Variants in COL24A1 observed in about 807,000 individuals in gnomAD.
The protein encoded by COL24A1 is collagen alpha-1(XXIV) chain.
A neutral mutation model predicts 253.9 loss-of-function variants in COL24A1; 224 were observed. The observed-to-expected ratio is 0.88, with a 90% CI of 0.79 to 0.99. The LOEUF (loss-of-function observed/expected upper bound fraction) is 0.99, where lower values mean the gene tolerates loss of function less well. Ranked by LOEUF, COL24A1 falls within the 50% of genes least tolerant of loss-of-function variation. COL24A1 has a pLI of 0.00. For missense variants in COL24A1, 2,131 were observed against 2,068.5 expected (o/e 1.03, Z -0.59); for synonymous variants, 685 against 673.7 (o/e 1.02, Z -0.26).
chr1:85,866,124 A>G (rs1389438932), intron 37 of COL24A1, among the ~76,000 whole-genome samples: 3 of 152,068 alleles, frequency 2.0e-5, no homozygotes, highest in Non-Finnish European at 4.4e-5. Context: ...TTAGGTGGGC[A>G]TGGTGGTGGG....
intron 7 of COL24A1, among the ~76,000 whole-genome samples, chr1:86,083,727 A>G (rs1294736187): frequency 6.6e-6 from 1 of 152,136 alleles, no homozygotes; most frequent in Non-Finnish European, 1.5e-5. Flanking sequence ...AGCAGAGAGG[A>G]GGTGGTGCTT....
At chr1:85,785,868 T>C (rs1234028554) in intron 48 of COL24A1, among the ~76,000 whole-genome samples, 1 of 152,234 alleles carries the variant, frequency 6.6e-6, no homozygotes, top group Non-Finnish European at 1.5e-5. Context: ...CTGGAAAGTC[T>C]ATTGACATGT....
intron 38 of COL24A1, among the ~76,000 whole-genome samples, chr1:85,848,116 T>C (rs950344737): frequency 1.3e-5 from 2 of 152,196 alleles, no homozygotes; most frequent in Non-Finnish European, 2.9e-5. Flanking sequence ...GAAAGTCTGT[T>C]TCTATAGAGA....
intron 28 of COL24A1, among the ~76,000 whole-genome samples, chr1:85,906,779 A>G (rs1055392532): frequency 6.6e-6 from 1 of 151,928 alleles, no homozygotes; most frequent in Non-Finnish European, 1.5e-5. Flanking sequence ...TACAATTAAT[A>G]AGCTCTTATT....
chr1:86,132,691 T>G (rs538449352), intron 2 of COL24A1, among the ~76,000 whole-genome samples: 20 of 152,234 alleles, frequency 1.3e-4, no homozygotes, highest in Non-Finnish European at 2.9e-5. Flanking sequence ...TGTGGCATTA[T>G]GTCTGAGGGC....
chr1:86,096,039 C>T (rs558843190), intron 5 of COL24A1, among the ~76,000 whole-genome samples: 11 of 152,108 alleles, frequency 7.2e-5, no homozygotes, highest in African/African-American at 2.2e-4. Context: ...AGTGAAAACA[C>T]CAAACAATTC....
At chr1:85,783,427 T>C (rs1382391700) in intron 51 of COL24A1, 69 bp downstream of exon 51, 6 of 1,270,900 alleles carry the variant, frequency 4.7e-6, no homozygotes, top group Non-Finnish European at 6.8e-6. Context: ...ACATTACATT[T>C]AGAGCTCTTA....
intron 18 of COL24A1, 33 bp from the exon 19 acceptor site, chr1:86,017,237 ATAAACT>A: frequency 6.7e-7 from 1 of 1,496,172 alleles, no homozygotes; most frequent in Non-Finnish European, 9.0e-7. Flanking sequence ...AAGTATAAAC[ATAAACT>A]TAATAAACAC....
chr1:85,920,275 G>A (rs893398799), intron 24 of COL24A1, among the ~76,000 whole-genome samples: 1 of 152,178 alleles, frequency 6.6e-6, no homozygotes, highest in African/African-American at 2.4e-5. Context: ...AGCATCTCAG[G>A]TATGGTTACA....
intron 24 of COL24A1, among the ~76,000 whole-genome samples, chr1:85,946,922 G>A (rs1689378136): frequency 1.3e-5 from 2 of 152,176 alleles, no homozygotes; most frequent in South Asian, 4.1e-4. Context: ...TGGGAAATTA[G>A]TGACTACAAA....
At chr1:85,935,971 C>T (rs1688216882) in intron 24 of COL24A1, among the ~76,000 whole-genome samples, 1 of 147,498 alleles carries the variant, frequency 6.8e-6, no homozygotes, top group South Asian at 2.4e-4. Context: ...GTATAAAAGT[C>T]TGGCCATTTG....
intron 23 of COL24A1, among the ~76,000 whole-genome samples, chr1:85,963,223 T>G (rs554176777): frequency 6.6e-6 from 1 of 152,280 alleles, no homozygotes; most frequent in South Asian, 2.1e-4. Flanking sequence ...TCTTTTCAGT[T>G]TCTGTATGTA....
chr1:85,802,416 T>C (rs544587327), intron 47 of COL24A1, among the ~76,000 whole-genome samples: 181 of 152,300 alleles, frequency 1.2e-3, no homozygotes, highest in Middle Eastern at 3.4e-3. Flanking sequence ...TATGCTGTGG[T>C]CTCTGCCTAG....
intron 32 of COL24A1, among the ~76,000 whole-genome samples, chr1:85,882,526 G>A (rs1681982121): frequency 6.6e-6 from 1 of 152,188 alleles, no homozygotes. Flanking sequence ...GTGTTTTATG[G>A]CCCAGAATTT....
intron 43 of COL24A1, among the ~76,000 whole-genome samples, chr1:85,836,599 G>A (rs1432822391): frequency 6.6e-6 from 1 of 152,172 alleles, no homozygotes; most frequent in Admixed American, 6.5e-5. Context: ...ACTTGGTGAG[G>A]GAGAAAGGTG....
Position 86,061,111 on chromosome 1 carries a change from A to G in COL24A1, c.1753-1937T>C, listed in dbSNP as rs546151683. Among the ~76,000 whole-genome samples, 6 of 152,204 alleles carry G rather than the reference A, an allele frequency of 3.9e-5. No homozygotes were observed. In the South Asian group the frequency reaches 1.0e-3, roughly 26 times the overall value. On this transcript the variant is annotated intron_variant, in intron 8 of 59. Coordinates refer to ENST00000370571, the MANE Select transcript of COL24A1 (RefSeq NM_152890.7). ...TTAGCTAATAAGTAGGAAGTCAGGA[A>G]TTAAATCAGCAAGTCTAATTCCAGA... is the stretch of plus-strand genomic sequence containing the variant.
intron 31 of COL24A1, among the ~76,000 whole-genome samples, chr1:85,894,784 C>T (rs1558562159): frequency 6.6e-6 from 1 of 152,138 alleles, no homozygotes; most frequent in Non-Finnish European, 1.5e-5. Context: ...CATTTGTTTT[C>T]TGTCTTAGGT....
chr1:86,010,668 T>C (rs647380), intron 19 of COL24A1, among the ~76,000 whole-genome samples: 27,628 of 152,078 alleles, frequency 0.18, 3,193 homozygotes, highest in African/African-American at 0.32. Flanking sequence ...GGAGTGTTTT[T>C]CATTGCAAAA....
intron 24 of COL24A1, among the ~76,000 whole-genome samples, chr1:85,926,668 G>A (rs1249009780): frequency 6.6e-6 from 1 of 152,056 alleles, no homozygotes; most frequent in Non-Finnish European, 1.5e-5. Context: ...GGCCTGTCAT[G>A]GGGTGAGGGG....
Sources: gnomAD v4.1 joint callset for allele counts (sites outside exome capture counted in the v4.1 genomes callset) on GRCh38, gnomAD v4.1.1 for gene constraint, MANE v1.5 for transcripts, NCBI Gene and HGNC (gene_info 2026-07-23, HGNC 2026-07-21) for gene names.